RNF144A: variants seen among roughly 807,000 people sequenced by gnomAD.
The protein encoded by RNF144A is E3 ubiquitin-protein ligase RNF144A.
Under a neutral mutation model 38.7 loss-of-function variants are expected in RNF144A, and 11 were observed. The observed-to-expected ratio is 0.28, with a 90% CI of 0.18 to 0.47. RNF144A has a LOEUF of 0.47. RNF144A is among the 20% of genes least tolerant of loss of function. The probability of loss-of-function intolerance (pLI) is 0.99; values close to 1 mark genes in which losing one functional copy is unlikely to be tolerated. For missense variants in RNF144A, 316 were observed against 377.2 expected (o/e 0.84, Z 1.34); for synonymous variants, 149 against 143.9 (o/e 1.04, Z -0.25).
chr2:7,039,946 G>A lies in RNF144A; in HGVS notation c.*186G>A. On this transcript the variant is annotated 3_prime_UTR_variant, in exon 9 of 9. Coordinates refer to ENST00000320892, the MANE Select transcript of RNF144A (RefSeq NM_014746.6). ...CAATGTTCGCTGAGGCCCCAGGTGT[G>A]GTGGGGAGGGGAGGCAGGTGTGGGT... is the stretch of plus-strand genomic sequence containing the variant. The A allele has an allele frequency of 7.1e-7, 1 of 1,407,110 alleles. No homozygotes were observed. Among genetic ancestry groups the A allele is most frequent in the Non-Finnish European group, 9.2e-7 (1 of 1,082,028 alleles). 87.2% of individuals were successfully genotyped at this position (1,407,110 alleles called of 1,614,324 possible). A position where few individuals can be genotyped will look rare whatever the true frequency, so the allele number is the denominator to read the frequency against.
At chr2:7,070,733 A>G (rs892666704), downstream of RNF144A, among the ~76,000 whole-genome samples, 5 of 152,120 alleles carry the variant, frequency 3.3e-5, no homozygotes, top group African/African-American at 1.2e-4. Flanking sequence ...CATACGATGG[A>G]GGAGGTAACA....
At chr2:7,057,989 G>A (rs1464813863) in intron 6 of RNF144A, among the ~76,000 whole-genome samples, 1 of 152,198 alleles carries the variant, frequency 6.6e-6, no homozygotes, top group Non-Finnish European at 1.5e-5. Context: ...AAGTGAAGAA[G>A]TTAATGAATA....
At chr2:6,942,827 T>C (rs1666096373) in intron 2 of RNF144A, among the ~76,000 whole-genome samples, 1 of 152,044 alleles carries the variant, frequency 6.6e-6, no homozygotes, top group Non-Finnish European at 1.5e-5. Flanking sequence ...CTACTAAAAA[T>C]ATAAAAATCA....
chr2:6,975,469 T>C (rs1015186546), intron 2 of RNF144A, among the ~76,000 whole-genome samples: 2 of 152,192 alleles, frequency 1.3e-5, no homozygotes, highest in African/African-American at 4.8e-5. Flanking sequence ...CACCTGTGCC[T>C]GCTCATTCTC....
intron 1 of RNF144A, among the ~76,000 whole-genome samples, chr2:6,939,905 T>C (rs1665858813): frequency 6.6e-6 from 1 of 152,188 alleles, no homozygotes; most frequent in African/African-American, 2.4e-5. Flanking sequence ...TCTAATCTAT[T>C]AATCCATATG....
intron 1 of RNF144A, among the ~76,000 whole-genome samples, chr2:6,924,885 C>T (rs771287): frequency 0.21 from 31,466 of 152,174 alleles, 3,591 homozygotes; most frequent in Non-Finnish European, 0.25. Context: ...GCCAGTTGTG[C>T]ACTCACAAGC....
chr2:7,048,190 G>A (rs1023434351), downstream of RNF144A, among the ~76,000 whole-genome samples: 1 of 152,106 alleles, frequency 6.6e-6, no homozygotes, highest in Non-Finnish European at 1.5e-5. Flanking sequence ...ACACCCGTAC[G>A]ATCTCAGATG....
intron 2 of RNF144A, among the ~76,000 whole-genome samples, chr2:6,975,379 G>A (rs1037470800): frequency 6.6e-6 from 1 of 152,140 alleles, no homozygotes; most frequent in African/African-American, 2.4e-5. Flanking sequence ...AGATTTGGGT[G>A]GGGGACACAG....
At position 6,978,162 on chromosome 2, in the gene RNF144A, ACTT is replaced by A. The variant is rs143359299; in HGVS notation, c.-11-18750_-11-18748del. 3.3e-3 allele frequency among the ~76,000 whole-genome samples: 497 copies of A among 152,246 alleles called. 3 individuals are homozygous for A. The highest frequency in any genetic ancestry group is 0.011 in the African/African-American group (475 of 41,538). The stretch of plus-strand genomic sequence containing the variant: ...TCCTGCATAGCTCTGGAGGACGTGG[ACTT>A]CTTTCTGGAATGACAGGAAGCTCCT... On this transcript the variant is annotated intron_variant, in intron 2 of 8. Coordinates refer to ENST00000320892, the MANE Select transcript of RNF144A (RefSeq NM_014746.6).
chr2:6,926,708 G>A (rs1377152915), intron 1 of RNF144A, among the ~76,000 whole-genome samples: 1 of 152,218 alleles, frequency 6.6e-6, no homozygotes, highest in Non-Finnish European at 1.5e-5. Flanking sequence ...TTGTTGAAAT[G>A]AATCTGCGTC....
At chr2:6,989,032 C>T (rs549289121) in intron 2 of RNF144A, among the ~76,000 whole-genome samples, 7 of 152,274 alleles carry the variant, frequency 4.6e-5, no homozygotes, top group African/African-American at 1.7e-4. Flanking sequence ...CTAGAATCAG[C>T]TGTTTGTCCA....
chr2:7,042,083 C>T lies in RNF144A; in HGVS notation c.*2323C>T. 1.0e-6 allele frequency: 1 copy of T among 985,314 alleles called. No individual in the cohort carries two copies. Among genetic ancestry groups the T allele is most frequent in the Non-Finnish European group, 1.2e-6 (1 of 829,886 alleles). The allele number at this position is 985,314 out of a possible 1,614,324, so 61.0% of individuals were successfully genotyped here. A position where few individuals can be genotyped will look rare whatever the true frequency, so the allele number is the denominator to read the frequency against. ...CTCTGACTTTTTGTATGAAGCATGC[C>T]TCAGTTTCCTCATTTTGATCTAGAT... On this transcript the variant is annotated 3_prime_UTR_variant, in exon 9 of 9. Transcript: ENST00000320892.
At chr2:7,025,554 C>A (rs1393493426) in intron 7 of RNF144A, among the ~76,000 whole-genome samples, 1 of 152,096 alleles carries the variant, frequency 6.6e-6, no homozygotes, top group Non-Finnish European at 1.5e-5. Flanking sequence ...CACCTGTAGT[C>A]CCAGCTACAT....
At chr2:7,038,789 G>A (rs1023471129) in intron 8 of RNF144A, among the ~76,000 whole-genome samples, 1 of 152,142 alleles carries the variant, frequency 6.6e-6, no homozygotes, top group Non-Finnish European at 1.5e-5. Flanking sequence ...TGGATAGATG[G>A]GTGGATGGGT....
rs780203276 is a variant in RNF144A at position 7,014,569 on chromosome 2, T to C, written c.240+11T>C. The C allele has an allele frequency of 1.9e-5, 30 of 1,583,216 alleles. No homozygotes were observed. Among genetic ancestry groups the C allele is most frequent in the African/African-American group, 6.8e-5 (5 of 73,730 alleles). On this transcript the variant is annotated intron_variant, in intron 4 of 8. Transcript: ENST00000320892. ...CTACAGGAGAACGAGGCATGTGCAA[T>C]TGAACAGACTGGGCTGTTTGATGTG...
At chr2:6,949,534 A>G (rs961800148) in intron 2 of RNF144A, among the ~76,000 whole-genome samples, 1 of 152,148 alleles carries the variant, frequency 6.6e-6, no homozygotes, top group Non-Finnish European at 1.5e-5. Context: ...TAAAAGGATC[A>G]TGTAATCCAC....
chr2:7,048,071 A>G (rs913426119), downstream of RNF144A, among the ~76,000 whole-genome samples: 1 of 152,190 alleles, frequency 6.6e-6, no homozygotes, highest in African/African-American at 2.4e-5. Context: ...CTGCATCTGA[A>G]GATCGCATCC....
chr2:7,068,684 G>A (rs969909212), downstream of RNF144A, among the ~76,000 whole-genome samples: 1 of 152,238 alleles, frequency 6.6e-6, no homozygotes, highest in South Asian at 2.1e-4. Flanking sequence ...CTGGGTATGA[G>A]TGAGGAAACA....
rs374758009 is a variant in RNF144A, at chr2:7,032,654, C to T, written c.747+2439C>T. On this transcript the variant is annotated intron_variant, in intron 8 of 8. Coordinates refer to ENST00000320892, the MANE Select transcript of RNF144A (RefSeq NM_014746.6). ...GCCTCTTCCCTGTGCGTCTCCACCT[C>T]GTCTTCCATCATTGTCCAAATCCCC... Among the ~76,000 whole-genome samples the T allele has an allele frequency of 3.0e-4, 45 of 152,348 alleles. 1 individual carries two copies. The East Asian group carries it at 6.9e-3, about 24-fold the overall frequency.
Sources: allele counts gnomAD v4.1 joint callset (sites outside exome capture counted in the v4.1 genomes callset), GRCh38; gene constraint gnomAD v4.1.1; transcripts MANE v1.5; gene names NCBI Gene and HGNC (gene_info 2026-07-23, HGNC 2026-07-21).